Variants in MORC1 observed in about 807,000 individuals in gnomAD.
The protein encoded by MORC1 is MORC family CW-type zinc finger protein 1.
MORC1 carries 59 observed loss-of-function variants against 134.9 expected under a neutral mutation model. The observed-to-expected ratio is 0.44, with a 90% CI of 0.35 to 0.54. The LOEUF (loss-of-function observed/expected upper bound fraction) is 0.54, where lower values mean the gene tolerates loss of function less well. MORC1 is among the 20% of genes least tolerant of loss of function. The pLI, the probability that MORC1 is intolerant of heterozygous loss-of-function variation, is 0.00. For missense variants in MORC1, 947 were observed against 1,134.5 expected, an observed-to-expected ratio of 0.83 and a Z score of 2.37; for synonymous variants, 395 against 391.7, an observed-to-expected ratio of 1.01 and a Z score of -0.10.
intron 16 of MORC1, among the ~76,000 whole-genome samples, 173 bp from the exon 17 acceptor site, chr3:109,028,062 T>C (rs1949128750): frequency 6.6e-6 from 1 of 152,122 alleles, no homozygotes; most frequent in Admixed American, 6.6e-5. Flanking sequence ...ACCTTACATC[T>C]CCAATTTGCA....
At chr3:108,988,909 T>C (rs1470689079) in intron 21 of MORC1, among the ~76,000 whole-genome samples, 2 of 152,198 alleles carry the variant, frequency 1.3e-5, no homozygotes, top group Admixed American at 1.3e-4. Flanking sequence ...CAGATATGCC[T>C]TCTTTCCCCA....
intron 14 of MORC1, among the ~76,000 whole-genome samples, chr3:109,038,350 T>C (rs538160699): frequency 6.6e-6 from 1 of 152,068 alleles, no homozygotes; most frequent in East Asian, 1.9e-4. Flanking sequence ...CTTTGCCAGA[T>C]GGGTAGATTG....
intron 14 of MORC1, among the ~76,000 whole-genome samples, chr3:109,041,436 G>A (rs1167892992): frequency 6.6e-6 from 1 of 152,034 alleles, no homozygotes; most frequent in East Asian, 1.9e-4. Context: ...AAGTGGCCAG[G>A]CACAGTGGCT....
At chr3:108,980,333 C>T (rs1947678328) in intron 23 of MORC1, among the ~76,000 whole-genome samples, 1 of 152,086 alleles carries the variant, frequency 6.6e-6, no homozygotes, top group East Asian at 1.9e-4. Flanking sequence ...AATCCAAAGT[C>T]CCACTACGAA....
At chr3:109,078,304 C>A (rs1458977388) in intron 8 of MORC1, among the ~76,000 whole-genome samples, 1 of 151,978 alleles carries the variant, frequency 6.6e-6, no homozygotes, top group Non-Finnish European at 1.5e-5. Context: ...ATAAGAAAAT[C>A]TGAACAGATT....
chr3:109,059,750 A>C, intron 12 of MORC1, 56 bp downstream of exon 12: 1 of 1,493,828 alleles, frequency 6.7e-7, no homozygotes, highest in South Asian at 1.2e-5. Flanking sequence ...TAGAAACCAG[A>C]ATTTGTTTTA....
intron 21 of MORC1, among the ~76,000 whole-genome samples, chr3:108,994,854 C>G (rs911151593): frequency 2.0e-5 from 3 of 152,124 alleles, no homozygotes; most frequent in Admixed American, 2.0e-4. Context: ...GTCTGCCAAC[C>G]TATTCTTCCC....
At chr3:109,113,413 T>C (rs940227519) in intron 2 of MORC1, among the ~76,000 whole-genome samples, 2 of 152,142 alleles carry the variant, frequency 1.3e-5, no homozygotes, top group East Asian at 3.8e-4. Context: ...GGCTGGTTAA[T>C]TGACTACACT....
intron 17 of MORC1, among the ~76,000 whole-genome samples, chr3:109,020,247 G>A (rs1948923420): frequency 6.6e-6 from 1 of 152,198 alleles, no homozygotes; most frequent in Non-Finnish European, 1.5e-5. Flanking sequence ...ATTCCTAGTG[G>A]TCTTGGCTTG....
intron 24 of MORC1, among the ~76,000 whole-genome samples, chr3:108,973,442 T>C (rs1947447801): frequency 6.6e-6 from 1 of 152,068 alleles, no homozygotes; most frequent in African/African-American, 2.4e-5. Flanking sequence ...GTGTAGCAGA[T>C]GGGGGCATGT....
intron 8 of MORC1, among the ~76,000 whole-genome samples, chr3:109,091,512 G>A (rs1444658749): frequency 6.6e-6 from 1 of 151,904 alleles, no homozygotes; most frequent in Non-Finnish European, 1.5e-5. Flanking sequence ...GGGAGCTTGG[G>A]AGTGATGGGG....
chr3:109,038,577 C>T (rs1054745224), intron 14 of MORC1, among the ~76,000 whole-genome samples: 4 of 152,036 alleles, frequency 2.6e-5, no homozygotes, highest in Non-Finnish European at 4.4e-5. Context: ...TTAGGTCTTA[C>T]GTTTAAGTCT....
intron 8 of MORC1, among the ~76,000 whole-genome samples, chr3:109,081,407 G>T (rs942328491): frequency 6.6e-6 from 1 of 151,008 alleles, no homozygotes; most frequent in Admixed American, 6.6e-5. Context: ...AGTTTCCAGA[G>T]CATAGTGAAA....
chr3:109,099,049 T>C (rs974569587), intron 6 of MORC1, among the ~76,000 whole-genome samples: 2 of 152,216 alleles, frequency 1.3e-5, no homozygotes, highest in Non-Finnish European at 2.9e-5. Context: ...AAAATGATAA[T>C]CAATTTATGG....
At chr3:109,039,436 A>G (rs1354394696) in intron 14 of MORC1, among the ~76,000 whole-genome samples, 1 of 152,222 alleles carries the variant, frequency 6.6e-6, no homozygotes, top group Non-Finnish European at 1.5e-5. Context: ...ACTAAAAACT[A>G]TAAAACTTGG....
chr3:109,005,510 G>C (rs2218646), intron 18 of MORC1, among the ~76,000 whole-genome samples, 195 bp from the exon 19 acceptor site: 28,432 of 152,076 alleles, frequency 0.19, 3,845 homozygotes, highest in East Asian at 0.68. Flanking sequence ...ATAAATAGCT[G>C]CAAAGTTGTG....
intron 14 of MORC1, among the ~76,000 whole-genome samples, chr3:109,043,132 G>C (rs570367702): frequency 7.4e-6 from 1 of 135,980 alleles, no homozygotes; most frequent in African/African-American, 2.7e-5. Flanking sequence ...CTAAAACATG[G>C]AAGCAACTCA....
chr3:109,035,273 T>A (rs1949347499), intron 15 of MORC1, 67 bp downstream of exon 15: 3 of 1,427,942 alleles, frequency 2.1e-6, no homozygotes, highest in East Asian at 4.7e-5. Context: ...CCTCATTTCT[T>A]AACACAATGA....
rs376604472 is a variant in MORC1, at chr3:109,054,962, AT to A, written c.1176-81del. 2.4e-3 allele frequency: 2,811 copies of A among 1,179,492 alleles called. 6 individuals are homozygous for A. The highest frequency in any genetic ancestry group is 5.0e-3 in the African/African-American group (310 of 62,196). 73.1% of individuals were successfully genotyped at this position (1,179,492 alleles called of 1,614,324 possible). On this transcript the variant is annotated intron_variant, in intron 13 of 27. Transcript: ENST00000232603. The stretch of plus-strand genomic sequence containing the variant: ...AAATATATTCTGGTCATTTGAAATC[AT>A]TTTTTTTTTCAAAAATAAATTCATT...
Sources: allele counts gnomAD v4.1 joint callset (sites outside exome capture counted in the v4.1 genomes callset), GRCh38; gene constraint gnomAD v4.1.1; transcripts MANE v1.5; gene names NCBI Gene and HGNC (gene_info 2026-07-23, HGNC 2026-07-21).